Variants in TTC27 observed in about 807,000 individuals in gnomAD.
TTC27 encodes the protein tetratricopeptide repeat protein 27.
Under a neutral mutation model 115.9 loss-of-function variants are expected in TTC27, and 79 were observed. The observed-to-expected ratio is 0.68, with a 90% CI of 0.57 to 0.82. The LOEUF (loss-of-function observed/expected upper bound fraction) is 0.82, where lower values mean the gene tolerates loss of function less well. Among genes scored for constraint, TTC27 ranks in the 40% least tolerant of loss-of-function variants. The pLI, the probability that TTC27 is intolerant of heterozygous loss-of-function variation, is 0.00. For missense variants in TTC27, 1,054 were observed against 993.1 expected, an observed-to-expected ratio of 1.06 and a Z score of -0.82; for synonymous variants, 401 against 356.0, an observed-to-expected ratio of 1.13 and a Z score of -1.42.
chr2:32,639,583 C>T (rs1664561998), intron 3 of TTC27, among the ~76,000 whole-genome samples: 2 of 152,118 alleles, frequency 1.3e-5, no homozygotes, highest in Admixed American at 1.3e-4. Flanking sequence ...ATATCAAATA[C>T]ACTATTTACT....
intron 10 of TTC27, among the ~76,000 whole-genome samples, chr2:32,715,186 C>CTAGAA (rs1667713260): frequency 6.6e-6 from 1 of 152,034 alleles, no homozygotes; most frequent in Admixed American, 6.6e-5. Context: ...GGTTATCTTC[C>CTAGAA]AGGGATTTTA....
intron 12 of TTC27, among the ~76,000 whole-genome samples, chr2:32,753,612 T>A (rs970179586): frequency 6.6e-6 from 1 of 151,546 alleles, no homozygotes; most frequent in Non-Finnish European, 1.5e-5. Flanking sequence ...ACCGCGCCCA[T>A]ATTTTTATAC....
chr2:32,799,434 C>A (rs1045158924), intron 16 of TTC27, among the ~76,000 whole-genome samples: 4 of 152,100 alleles, frequency 2.6e-5, no homozygotes, highest in Non-Finnish European at 5.9e-5. Flanking sequence ...GGAAAAAAAT[C>A]TCTCTAAGCA....
At position 32,712,139 on chromosome 2, in the gene TTC27, C is replaced by T. The variant is rs149378572; in HGVS notation, c.1233+9219C>T. ...CCGGCAGTTACACTGAAGGCTTCAACGGCAAGTCCTAAGGAATGGCAGATT... is the reference window on the plus strand; with the variant it reads ...CCGGCAGTTACACTGAAGGCTTCAATGGCAAGTCCTAAGGAATGGCAGATT... On this transcript the variant is annotated intron_variant, in intron 10 of 19. Coordinates refer to ENST00000317907, the MANE Select transcript of TTC27 (RefSeq NM_017735.5). Among the ~76,000 whole-genome samples, 41 of 152,242 alleles carry T rather than the reference C, an allele frequency of 2.7e-4. No homozygotes were observed. In the East Asian group the frequency reaches 6.6e-3, roughly 24 times the overall value.
At chr2:32,788,843 T>C (rs926846021) in intron 16 of TTC27, among the ~76,000 whole-genome samples, 3 of 152,130 alleles carry the variant, frequency 2.0e-5, no homozygotes, top group Non-Finnish European at 2.9e-5. Flanking sequence ...TGAAAGGAAG[T>C]GGCTTTTCTA....
intron 9 of TTC27, among the ~76,000 whole-genome samples, chr2:32,691,415 C>T (rs1474465049): frequency 6.6e-6 from 1 of 151,734 alleles, no homozygotes; most frequent in African/African-American, 2.4e-5. Context: ...TCTCCTGCCT[C>T]AGTCTTCCAA....
rs367801329 is a variant in TTC27, at chr2:32,811,039, G to A, written c.2014G>A (p.Val672Ile). The change falls in exon 17 of 20, where the codon GTC (valine) becomes ATC (isoleucine). Residue 672 changes from valine to isoleucine, a missense_variant. Val to Ile is a conservative substitution (Grantham distance 29, BLOSUM62 3). Coordinates refer to ENST00000317907, the MANE Select transcript of TTC27 (RefSeq NM_017735.5). Reference protein sequence around the residue: ...YKDVQVLKILVRAVIDGMTDR... With the variant: ...YKDVQVLKILIRAVIDGMTDR... Reference sequence around the variant, plus strand: ...CATTTTTAAGGTCCTTAAAATTCTAGTCAGGGCAGTGATTGATGGGATGAC... The same window carrying A: ...CATTTTTAAGGTCCTTAAAATTCTAATCAGGGCAGTGATTGATGGGATGAC... 9 of 1,614,110 alleles carry A rather than the reference G, an allele frequency of 5.6e-6. No homozygotes were observed. Among genetic ancestry groups the A allele is most frequent in the Non-Finnish European group, 7.6e-6 (9 of 1,180,010 alleles).
At chr2:32,801,547 T>C (rs1670939739) in intron 16 of TTC27, among the ~76,000 whole-genome samples, 1 of 152,208 alleles carries the variant, frequency 6.6e-6, no homozygotes, top group Admixed American at 6.5e-5. Flanking sequence ...AAGACCCTAT[T>C]TCAGGTCAGA....
chr2:32,659,174 C>T (rs993351605), intron 5 of TTC27, among the ~76,000 whole-genome samples: 1 of 152,064 alleles, frequency 6.6e-6, no homozygotes, highest in Non-Finnish European at 1.5e-5. Context: ...CTATGTTGCT[C>T]AGGCTTGTCT....
intron 5 of TTC27, among the ~76,000 whole-genome samples, chr2:32,651,584 A>G (rs951795879): frequency 6.6e-6 from 1 of 152,158 alleles, no homozygotes; most frequent in Non-Finnish European, 1.5e-5. Flanking sequence ...GACCTCAGGT[A>G]TCAGCCCGCC....
rs961478954 is a variant in TTC27, at chr2:32,668,613, G to A, written c.939+1845G>A. On this transcript the variant is annotated intron_variant, in intron 7 of 19. Coordinates refer to ENST00000317907, the MANE Select transcript of TTC27 (RefSeq NM_017735.5). Reference sequence around the variant, plus strand: ...TCCTTCCATTTTTAAATGGAGATGAGTTCTCACTATATTGCCCAGGTTTGT... The same window carrying A: ...TCCTTCCATTTTTAAATGGAGATGAATTCTCACTATATTGCCCAGGTTTGT... Among the ~76,000 whole-genome samples, 99 of 89,986 alleles carry A rather than the reference G, an allele frequency of 1.1e-3. 1 individual carries two copies. Among genetic ancestry groups the A allele is most frequent in the Non-Finnish European group, 2.8e-4 (14 of 49,924 alleles). 59.0% of individuals were successfully genotyped at this position (89,986 alleles called of 152,430 possible).
At chr2:32,746,442 A>C (rs1668829838) in intron 12 of TTC27, among the ~76,000 whole-genome samples, 1 of 151,758 alleles carries the variant, frequency 6.6e-6, no homozygotes, top group African/African-American at 2.4e-5. Flanking sequence ...ACATGCCTGT[A>C]ATCCCAGCTA....
At position 32,700,026 on chromosome 2, in the gene TTC27, C is replaced by CACTG. The variant is rs1191250675; in HGVS notation, c.1120-2780_1120-2777dup. ...AGCCCATGGGCTGAGCTGGTCTGTG[C>CACTG]ACTGCACCATTGTTGCTAGCAGAAT... On this transcript the variant is annotated intron_variant, in intron 9 of 19. Coordinates refer to ENST00000317907, the MANE Select transcript of TTC27 (RefSeq NM_017735.5). Among the ~76,000 whole-genome samples the CACTG allele has an allele frequency of 3.3e-5, 5 of 152,282 alleles. No individual in the cohort carries two copies. In the East Asian group the frequency reaches 9.7e-4, roughly 29 times the overall value.
At chr2:32,637,720 C>G (rs961298020) in intron 3 of TTC27, among the ~76,000 whole-genome samples, 7 of 152,140 alleles carry the variant, frequency 4.6e-5, no homozygotes, top group African/African-American at 1.7e-4. Context: ...GTTATATCTA[C>G]TTGAATTTAC....
At chr2:32,795,949 G>A (rs1045433385) in intron 16 of TTC27, among the ~76,000 whole-genome samples, 1 of 151,930 alleles carries the variant, frequency 6.6e-6, no homozygotes, top group Non-Finnish European at 1.5e-5. Flanking sequence ...TCACAGCACT[G>A]AAAGTTCAAG....
intron 10 of TTC27, among the ~76,000 whole-genome samples, chr2:32,726,927 G>A (rs2151912318): frequency 6.6e-6 from 1 of 152,324 alleles, no homozygotes; most frequent in Non-Finnish European, 1.5e-5. Context: ...AAGAAAGAGA[G>A]CTTTTGCAGG....
intron 18 of TTC27, among the ~76,000 whole-genome samples, chr2:32,814,966 T>C (rs1671449595): frequency 6.6e-6 from 1 of 152,188 alleles, no homozygotes; most frequent in Non-Finnish European, 1.5e-5. Context: ...GTTGCTATCA[T>C]TAAGGTAGCC....
chr2:32,797,323 G>A (rs1028248472), intron 16 of TTC27, among the ~76,000 whole-genome samples: 6 of 151,974 alleles, frequency 3.9e-5, no homozygotes, highest in Admixed American at 1.3e-4. Context: ...AGGACCACAG[G>A]AGCATGCCAC....
At chr2:32,649,710 T>C (rs958446250) in intron 4 of TTC27, among the ~76,000 whole-genome samples, 5 of 152,042 alleles carry the variant, frequency 3.3e-5, no homozygotes, top group African/African-American at 1.2e-4. Context: ...CACGCCCAGC[T>C]AATTTTTATA....
Sources: gnomAD v4.1 joint callset for allele counts (sites outside exome capture counted in the v4.1 genomes callset) on GRCh38, gnomAD v4.1.1 for gene constraint, MANE v1.5 for transcripts, NCBI Gene and HGNC (gene_info 2026-07-23, HGNC 2026-07-21) for gene names.